TMEM9: variants seen among roughly 807,000 people sequenced by gnomAD.
TMEM9 encodes transmembrane protein 9, also known as proton-transporting V-type ATPase complex assembly regulator TMEM9.
TMEM9 carries 13 observed loss-of-function variants against 22.8 expected under a neutral mutation model. That is an observed-to-expected ratio of 0.57 (90% CI 0.37 to 0.91). The LOEUF (loss-of-function observed/expected upper bound fraction) is 0.91. TMEM9 is among the 40% of genes least tolerant of loss of function. The pLI is 0.01. For synonymous variants in TMEM9, 88 were observed against 93.0 expected, an observed-to-expected ratio of 0.95 and a Z score of 0.31; for missense variants, 182 against 238.1, an observed-to-expected ratio of 0.76 and a Z score of 1.55.
At position 201,146,778 on chromosome 1, in the gene TMEM9, C is replaced by A. The variant is rs1230091493; in HGVS notation, c.229G>T (p.Glu77Ter). The A allele has an allele frequency of 6.2e-7, 1 of 1,614,246 alleles. No homozygotes were observed. The highest frequency in any genetic ancestry group is 1.7e-5 in the Admixed American group (1 of 60,032). ...GTGCTGCGCTCCTCGTACCTGCACT[C>A]GCACAGCAGGCAGTAGGCCTCCACG... ...HDVEAYCLLCECRYEERSTTT... is the reference protein window; with the variant it reads ...HDVEAYCLLC Residue 77 changes from glutamate (E) to a stop codon, truncating the protein, a stop_gained, in exon 3 of 5, where the codon GAG becomes TAG. Transcript: ENST00000367330. LOFTEE classifies it high-confidence loss of function.
chr1:201,138,774 G>A (rs1664239269), intron 4 of TMEM9, among the ~76,000 whole-genome samples: 1 of 152,238 alleles, frequency 6.6e-6, no homozygotes, highest in East Asian at 1.9e-4. Flanking sequence ...CTGAGGCTCT[G>A]AAAGATGAAT....
At chr1:201,146,252 A>C (rs950718107) in intron 3 of TMEM9, among the ~76,000 whole-genome samples, 3 of 152,126 alleles carry the variant, frequency 2.0e-5, no homozygotes, top group Admixed American at 6.5e-5. Flanking sequence ...ACACAAAAGA[A>C]CCAATCTGAT....
At chr1:201,151,455 T>A (rs1305323191) in intron 2 of TMEM9, among the ~76,000 whole-genome samples, 1 of 152,210 alleles carries the variant, frequency 6.6e-6, no homozygotes, top group Non-Finnish European at 1.5e-5. Context: ...GTGGTCAGAA[T>A]ACCTACCTTT....
intron 1 of TMEM9, among the ~76,000 whole-genome samples, chr1:201,152,291 G>A (rs1370857839): frequency 6.6e-6 from 1 of 152,182 alleles, no homozygotes; most frequent in African/African-American, 2.4e-5. Context: ...TAGGATTGGG[G>A]AAACATAAAG....
Position 201,154,115 on chromosome 1 carries a change from T to C in TMEM9, c.-192A>G. ...ACCTGGTCGCCAAACCCTGCTTCCC[T>C]CCCGCCCAACTCTCCGGCTCTCCGC... On this transcript the variant is annotated 5_prime_UTR_variant, in exon 1 of 5. Coordinates refer to ENST00000367330, the MANE Select transcript of TMEM9 (RefSeq NM_001288565.2). 1.5e-6 allele frequency: 1 copy of C among 645,462 alleles called. No individual in the cohort carries two copies. The highest frequency in any genetic ancestry group is 2.6e-6 in the Non-Finnish European group (1 of 391,904). The allele number at this position is 645,462 out of a possible 1,614,324, so 40.0% of individuals were successfully genotyped here.
chr1:201,171,315 C>T (rs1666204986), intron 1 of TMEM9, among the ~76,000 whole-genome samples: 1 of 152,210 alleles, frequency 6.6e-6, no homozygotes, highest in African/African-American at 2.4e-5. Flanking sequence ...CGCGGGGGTG[C>T]ACTGGCCGCT....
At chr1:201,170,158 G>C (rs575337395) in intron 1 of TMEM9, among the ~76,000 whole-genome samples, 2 of 152,282 alleles carry the variant, frequency 1.3e-5, no homozygotes, top group African/African-American at 4.8e-5. Flanking sequence ...GGCTGTGATG[G>C]ATTTTTCCCT....
At chr1:201,162,180 T>C (rs1242232783) in intron 1 of TMEM9, among the ~76,000 whole-genome samples, 2 of 152,140 alleles carry the variant, frequency 1.3e-5, no homozygotes, top group East Asian at 3.9e-4. Context: ...TGATTTTTTT[T>C]TTTTTTTTCC....
chr1:201,139,707 G>A (rs893677842), intron 4 of TMEM9, among the ~76,000 whole-genome samples: 1 of 151,762 alleles, frequency 6.6e-6, no homozygotes, highest in Non-Finnish European at 1.5e-5. Flanking sequence ...TGCTACTTAA[G>A]TATTAACACC....
chr1:201,162,536 A>G lies in TMEM9; in HGVS notation c.-36-8577T>C, dbSNP rs541874513. 2.9e-4 allele frequency among the ~76,000 whole-genome samples: 27 copies of G among 92,402 alleles called. No individual in the cohort carries two copies. In the South Asian group the frequency reaches 5.8e-3, roughly 20 times the overall value. 60.6% of individuals were successfully genotyped at this position (92,402 alleles called of 152,430 possible). A position where few individuals can be genotyped will look rare whatever the true frequency, so the allele number is the denominator to read the frequency against. On this transcript the variant is annotated intron_variant, in intron 1 of 5. Transcript: ENST00000367333. ...CCGGAACAACTGGACATACATAGGGAAAAAAAAAAAAAAACCCTGACTGAA... is the reference window on the plus strand; with the variant it reads ...CCGGAACAACTGGACATACATAGGGGAAAAAAAAAAAAAACCCTGACTGAA...
At chr1:201,144,262 A>C in intron 3 of TMEM9, 1 of 282,284 alleles carries the variant, frequency 3.5e-6, no homozygotes, top group East Asian at 7.5e-5. Context: ...AGATGGGAAC[A>C]CAAGGGCCTC....
intron 1 of TMEM9, among the ~76,000 whole-genome samples, chr1:201,171,057 C>T (rs1477163709): frequency 1.3e-5 from 2 of 152,244 alleles, no homozygotes; most frequent in Non-Finnish European, 2.9e-5. Flanking sequence ...CTCAGATTCC[C>T]TCCCCGTGGT....
chr1:201,170,563 C>T (rs1410279625), intron 1 of TMEM9, among the ~76,000 whole-genome samples: 1 of 152,092 alleles, frequency 6.6e-6, no homozygotes, highest in Non-Finnish European at 1.5e-5. Flanking sequence ...AACACGACTC[C>T]CCTAGGAGAC....
At chr1:201,166,439 T>C (rs893702570) in intron 1 of TMEM9, among the ~76,000 whole-genome samples, 1 of 151,898 alleles carries the variant, frequency 6.6e-6, no homozygotes, top group Non-Finnish European at 1.5e-5. Flanking sequence ...CTCAGCTCAC[T>C]GCACCCTCTG....
intron 1 of TMEM9, among the ~76,000 whole-genome samples, chr1:201,165,477 G>A (rs570875971): frequency 1.3e-3 from 199 of 148,602 alleles, no homozygotes; most frequent in African/African-American, 4.7e-3. Flanking sequence ...TTGCTCTGTC[G>A]CCAGGCTGGA....
At chr1:201,167,041 A>C (rs1666095187) in intron 1 of TMEM9, among the ~76,000 whole-genome samples, 1 of 151,908 alleles carries the variant, frequency 6.6e-6, no homozygotes, top group African/African-American at 2.4e-5. Flanking sequence ...ATTTTGATAG[A>C]GATGTATTTT....
intron 1 of TMEM9, among the ~76,000 whole-genome samples, chr1:201,166,166 C>T (rs1251830392): frequency 6.6e-6 from 1 of 152,070 alleles, no homozygotes; most frequent in Non-Finnish European, 1.5e-5. Flanking sequence ...CTAATTTGTC[C>T]GTTGCTTTCT....
At chr1:201,159,059 ATGAGATGAT>A (rs142371066), upstream of TMEM9, among the ~76,000 whole-genome samples, 1,593 of 152,278 alleles carry the variant, frequency 0.01, 18 homozygotes, top group African/African-American at 0.036. Context: ...TCAAGCTCCT[ATGAGATGAT>A]TGACTTCCTA....
At chr1:201,171,147 C>A (rs1308036528) in intron 1 of TMEM9, among the ~76,000 whole-genome samples, 1 of 152,206 alleles carries the variant, frequency 6.6e-6, no homozygotes, top group African/African-American at 2.4e-5. Context: ...TCCTTCCCCA[C>A]CCGGGAGCCG....
Sources: gnomAD v4.1 joint callset for allele counts (sites outside exome capture counted in the v4.1 genomes callset) on GRCh38, gnomAD v4.1.1 for gene constraint, MANE v1.5 for transcripts, NCBI Gene and HGNC (gene_info 2026-07-23, HGNC 2026-07-21) for gene names.